Variants in SGCD observed in about 807,000 individuals in gnomAD.
The protein encoded by SGCD is delta-sarcoglycan.
Under a neutral mutation model 36.6 loss-of-function variants are expected in SGCD, and 18 were observed. The observed-to-expected ratio is 0.49, with a 90% CI of 0.34 to 0.73. SGCD has a LOEUF of 0.73. Among genes scored for constraint, SGCD ranks in the 30% least tolerant of loss-of-function variants. The pLI is 0.01. For synonymous variants in SGCD, 133 were observed against 130.6 expected (o/e 1.02, Z -0.12); for missense variants, 387 against 346.7 (o/e 1.12, Z -0.92).
intron 7 of SGCD, among the ~76,000 whole-genome samples, chr5:156,652,221 C>T (rs895299334): frequency 9.9e-5 from 15 of 152,084 alleles, no homozygotes; most frequent in Non-Finnish European, 1.0e-4. Context: ...TGGCTTACAC[C>T]TGTAATCCCA....
intron 3 of SGCD, among the ~76,000 whole-genome samples, chr5:156,229,271 T>TATATACAC (rs1764937273): frequency 9.0e-5 from 7 of 78,130 alleles, no homozygotes; most frequent in Middle Eastern, 5.6e-3. Flanking sequence ...CATATATATA[T>TATATACAC]ACATACATAT....
At chr5:156,704,160 T>A (rs1344345284) in intron 7 of SGCD, 3 of 152,208 alleles carry the variant, frequency 2.0e-5, no homozygotes, top group Non-Finnish European at 4.4e-5. Context: ...AATTCCACTT[T>A]ACTCTTTCCT....
Position 156,259,762 on chromosome 5 carries a change from T to G in SGCD, c.-43-69772T>G, listed in dbSNP as rs10069045. ...AGGTAAGTAGGATTAGATAAGGTCG[T>G]CAGGGTGGGGCCCCCATAGTATGAC... On this transcript the variant is annotated intron_variant, in intron 3 of 9. Transcript: ENST00000517913. Among the ~76,000 whole-genome samples, 1,341 of 152,094 alleles carry G rather than the reference T, an allele frequency of 8.8e-3. 14 individuals are homozygous for G. The highest frequency in any genetic ancestry group is 0.031 in the African/African-American group (1,295 of 41,476).
At chr5:156,275,324 G>C (rs549309860) in intron 3 of SGCD, among the ~76,000 whole-genome samples, 11 of 152,292 alleles carry the variant, frequency 7.2e-5, no homozygotes, top group African/African-American at 2.2e-4. Flanking sequence ...GGATTTCTAT[G>C]TATGATGATT....
In SGCD at chr5:156,588,106, T is replaced by C. The variant is rs141474784; in HGVS notation, c.295-1125T>C. 5.9e-5 allele frequency among the ~76,000 whole-genome samples: 9 copies of C among 152,058 alleles called. No homozygotes were observed. The East Asian group carries it at 1.8e-3, about 30-fold the overall frequency. On this transcript the variant is annotated intron_variant, in intron 4 of 8. Coordinates refer to ENST00000337851, the MANE Select transcript of SGCD (RefSeq NM_000337.6). ...CAGATTCCTTTTTCCATGTTCTGTG[T>C]CAGAGATTCATCCTTTAATTTATGG...
intron 7 of SGCD, among the ~76,000 whole-genome samples, chr5:156,667,569 C>T (rs1753104041): frequency 6.6e-6 from 1 of 152,134 alleles, no homozygotes; most frequent in Non-Finnish European, 1.5e-5. Flanking sequence ...GACCAAATAA[C>T]AGCATAGTTA....
chr5:156,497,176 T>C (rs1402120049), intron 3 of SGCD, among the ~76,000 whole-genome samples: 1 of 25,030 alleles, frequency 4.0e-5, no homozygotes. Context: ...CTGCACTCTC[T>C]CTCTCTCTCT....
chr5:156,220,540 TG>T (rs1277195193), intron 3 of SGCD, among the ~76,000 whole-genome samples: 1 of 152,170 alleles, frequency 6.6e-6, no homozygotes, highest in Non-Finnish European at 1.5e-5. Context: ...TGAATATGAC[TG>T]TGATATAGAT....
the SGCD span, among the ~76,000 whole-genome samples, chr5:155,858,483 T>C: frequency 5.1e-4 from 77 of 152,342 alleles, no homozygotes; most frequent in Non-Finnish European, 9.7e-4. Flanking sequence ...TCATCTTTTG[T>C]AGTTGTCATA....
rs1182132267 is a variant in SGCD at position 156,607,858 on chromosome 5, G to C, written c.502+12807G>C. Among the ~76,000 whole-genome samples, 4 of 152,074 alleles carry C rather than the reference G, an allele frequency of 2.6e-5. No homozygotes were observed. In the East Asian group the frequency reaches 7.7e-4, roughly 29 times the overall value. On this transcript the variant is annotated intron_variant, in intron 6 of 8. Coordinates refer to ENST00000337851, the MANE Select transcript of SGCD (RefSeq NM_000337.6). ...AGAGGTGTTTATATTATTCTCTGAT[G>C]GTAGTTTGTATTTCTGTTGGATCGG...
At chr5:156,296,963 A>G (rs1766910541) in intron 3 of SGCD, among the ~76,000 whole-genome samples, 2 of 151,794 alleles carry the variant, frequency 1.3e-5, no homozygotes, top group African/African-American at 4.8e-5. Flanking sequence ...CACACACTAT[A>G]TATAGTATAT....
chr5:156,380,858 T>C (rs1472756), intron 3 of SGCD, among the ~76,000 whole-genome samples: 78,701 of 152,030 alleles, frequency 0.52, 20,958 homozygotes, highest in East Asian at 0.84. Flanking sequence ...AGCCAAGGCA[T>C]GGGATGTGAT....
chr5:156,668,509 T>G (rs1192122915), intron 7 of SGCD, among the ~76,000 whole-genome samples: 1 of 152,202 alleles, frequency 6.6e-6, no homozygotes, highest in African/African-American at 2.4e-5. Flanking sequence ...TTTGAGCCAT[T>G]TCCATCTTCT....
At position 156,595,361 on chromosome 5, in the gene SGCD, C is replaced by T. The variant is rs763489233; in HGVS notation, c.502+310C>T. Among the ~76,000 whole-genome samples the T allele has an allele frequency of 4.5e-4, 69 of 152,224 alleles. No homozygotes were observed. In the Middle Eastern group the frequency reaches 0.02, roughly 45 times the overall value. ...AGCCTCACCAGAACCTGACCAGGCTCGTATCTGATCTCAGACTTTAAGCCT... is the reference window on the plus strand; with the variant it reads ...AGCCTCACCAGAACCTGACCAGGCTTGTATCTGATCTCAGACTTTAAGCCT... On this transcript the variant is annotated intron_variant, in intron 6 of 8. Transcript: ENST00000337851.
intron 1 of SGCD, among the ~76,000 whole-genome samples, chr5:155,877,241 C>T (rs1047530766): frequency 5.3e-5 from 8 of 152,012 alleles, no homozygotes; most frequent in South Asian, 4.1e-4. Context: ...TGGCCACATC[C>T]GTAAGCCCAG....
chr5:156,042,117 A>G (rs1759649789), intron 1 of SGCD, among the ~76,000 whole-genome samples: 1 of 152,152 alleles, frequency 6.6e-6, no homozygotes, highest in South Asian at 2.1e-4. Flanking sequence ...CTGCACAAGT[A>G]GACTGTTTCC....
At chr5:155,890,400 G>C (rs1245693676) in intron 1 of SGCD, among the ~76,000 whole-genome samples, 1 of 152,110 alleles carries the variant, frequency 6.6e-6, no homozygotes, top group Non-Finnish European at 1.5e-5. Flanking sequence ...GAGGTGGGCA[G>C]GATCACTTAA....
rs75596085 is a variant in SGCD, at chr5:155,938,620, C to T, written c.-282+68196C>T. Among the ~76,000 whole-genome samples, 31 of 152,220 alleles carry T rather than the reference C, an allele frequency of 2.0e-4. No individual in the cohort carries two copies. In the East Asian group the frequency reaches 5.8e-3, roughly 28 times the overall value. On this transcript the variant is annotated intron_variant, in intron 1 of 9. Transcript: ENST00000517913. The stretch of plus-strand genomic sequence containing the variant: ...TGCTAATACTATGGCAATGGTTTTT[C>T]CCATAAGCTAGTAGCTGTTCCCCAC...
chr5:155,940,879 A>C (rs960701921), intron 1 of SGCD, among the ~76,000 whole-genome samples: 1 of 152,066 alleles, frequency 6.6e-6, no homozygotes, highest in Non-Finnish European at 1.5e-5. Context: ...CAACAACAAA[A>C]AAAACATTAA....
Sources: allele counts gnomAD v4.1 joint callset (sites outside exome capture counted in the v4.1 genomes callset), GRCh38; gene constraint gnomAD v4.1.1; transcripts MANE v1.5; gene names NCBI Gene and HGNC (gene_info 2026-07-23, HGNC 2026-07-21).